The following SGMS1 variants were observed in gnomAD, a reference collection of about 807,000 sequenced individuals.
The protein encoded by SGMS1 is phosphatidylcholine:ceramide cholinephosphotransferase 1.
In SGMS1, 13 loss-of-function variants were observed where a neutral mutation model predicts 46.2. The ratio of observed to expected loss-of-function variants is 0.28; its 90% CI spans 0.18 to 0.45. SGMS1 has a LOEUF of 0.45. Ranked by LOEUF, SGMS1 falls within the 20% of genes least tolerant of loss-of-function variation. The pLI is 1.00. For synonymous variants in SGMS1, 203 were observed against 187.8 expected, an observed-to-expected ratio of 1.08 and a Z score of -0.66; for missense variants, 324 against 519.9, an observed-to-expected ratio of 0.62 and a Z score of 3.66.
At chr10:50,408,771 G>A (rs1849058395) in intron 6 of SGMS1, among the ~76,000 whole-genome samples, 2 of 152,096 alleles carry the variant, frequency 1.3e-5, no homozygotes, top group African/African-American at 2.4e-5. Flanking sequence ...GGTCGGGGGG[G>A]CAGTTGAGGC....
intron 3 of SGMS1, among the ~76,000 whole-genome samples, chr10:50,472,592 T>A (rs1400947455): frequency 6.6e-6 from 1 of 152,168 alleles, no homozygotes; most frequent in Non-Finnish European, 1.5e-5. Context: ...GACTCCTAGG[T>A]TGTTTCCATA....
At chr10:50,403,288 G>A (rs1468247254) in intron 6 of SGMS1, among the ~76,000 whole-genome samples, 1 of 152,082 alleles carries the variant, frequency 6.6e-6, no homozygotes, top group East Asian at 1.9e-4. Flanking sequence ...TACACGGTTC[G>A]CATGTTCAAT....
chr10:50,497,143 G>C (rs1410653938), intron 3 of SGMS1, among the ~76,000 whole-genome samples: 2 of 152,166 alleles, frequency 1.3e-5, no homozygotes, highest in Non-Finnish European at 2.9e-5. Context: ...AACGATTAAC[G>C]ATGAGAACTC....
chr10:50,412,384 T>C (rs183487895), intron 6 of SGMS1, among the ~76,000 whole-genome samples: 141 of 152,326 alleles, frequency 9.3e-4, no homozygotes, highest in African/African-American at 2.9e-3. Flanking sequence ...TGCAAAACAG[T>C]CTGCCTTTAT....
At chr10:50,444,057 A>G (rs1344926941) in intron 5 of SGMS1, among the ~76,000 whole-genome samples, 2 of 152,148 alleles carry the variant, frequency 1.3e-5, no homozygotes, top group Non-Finnish European at 2.9e-5. Flanking sequence ...ATAAACAGAG[A>G]CACAGAATTT....
Position 50,332,450 on chromosome 10 carries a change from C to T in SGMS1, c.624-5128G>A, listed in dbSNP as rs1338992392. ...ACAGCCCTCCTGACAACATTCTGCACCCCCACATTCCCATATTCTGTGGAA... is the reference window on the plus strand; with the variant it reads ...ACAGCCCTCCTGACAACATTCTGCATCCCCACATTCCCATATTCTGTGGAA... On this transcript the variant is annotated intron_variant, in intron 7 of 10. Transcript: ENST00000361781. Among the ~76,000 whole-genome samples, 5 of 152,012 alleles carry T rather than the reference C, an allele frequency of 3.3e-5. No homozygotes were observed. The East Asian group carries it at 9.6e-4, about 29-fold the overall frequency.
At chr10:50,565,091 C>T (rs1475313846) in intron 2 of SGMS1, among the ~76,000 whole-genome samples, 2 of 152,044 alleles carry the variant, frequency 1.3e-5, no homozygotes, top group African/African-American at 4.8e-5. Context: ...TTTTTTTATC[C>T]TCCAAACGCT....
intron 6 of SGMS1, among the ~76,000 whole-genome samples, chr10:50,423,896 C>T (rs1351793676): frequency 1.3e-5 from 2 of 152,198 alleles, no homozygotes; most frequent in Non-Finnish European, 2.9e-5. Context: ...AAAACATGCT[C>T]AATTTAATCC....
chr10:50,561,979 T>C (rs16914000), intron 2 of SGMS1, among the ~76,000 whole-genome samples: 3,119 of 152,254 alleles, frequency 0.02, 115 homozygotes, highest in African/African-American at 0.071. Context: ...TATCTTCATC[T>C]GGGTTCAGAA....
intron 6 of SGMS1, among the ~76,000 whole-genome samples, chr10:50,394,288 T>C (rs1417566079): frequency 6.6e-6 from 1 of 152,242 alleles, no homozygotes; most frequent in Admixed American, 6.5e-5. Context: ...TTAGCGTTTG[T>C]GTCGTGTTTC....
At chr10:50,374,053 C>T (rs1295380004) in intron 6 of SGMS1, among the ~76,000 whole-genome samples, 1 of 152,202 alleles carries the variant, frequency 6.6e-6, no homozygotes, top group East Asian at 1.9e-4. Flanking sequence ...TGAAATTTAT[C>T]TTCTATTTAT....
At chr10:50,613,292 G>A (rs1278844864) in intron 1 of SGMS1, among the ~76,000 whole-genome samples, 2 of 152,188 alleles carry the variant, frequency 1.3e-5, no homozygotes, top group African/African-American at 4.8e-5. Flanking sequence ...GGGAGGCTAG[G>A]TGTGCAGCTT....
chr10:50,588,857 G>A (rs1452846266), intron 2 of SGMS1, among the ~76,000 whole-genome samples: 2 of 151,066 alleles, frequency 1.3e-5, no homozygotes, highest in African/African-American at 2.4e-5. Context: ...AGCCTCCCGA[G>A]TAGCTGGGAT....
chr10:50,365,578 C>G (rs1176158803), intron 6 of SGMS1, among the ~76,000 whole-genome samples: 1 of 152,236 alleles, frequency 6.6e-6, no homozygotes, highest in Non-Finnish European at 1.5e-5. Flanking sequence ...TGCTCTCTCT[C>G]CTCTTGCCCC....
chr10:50,568,568 T>C (rs1266689527), intron 2 of SGMS1, among the ~76,000 whole-genome samples: 1 of 152,168 alleles, frequency 6.6e-6, no homozygotes, highest in Non-Finnish European at 1.5e-5. Context: ...AAGGCGGTGC[T>C]GTGGCTTGTG....
At chr10:50,587,681 C>T (rs990296320) in intron 2 of SGMS1, among the ~76,000 whole-genome samples, 23 of 59,260 alleles carry the variant, frequency 3.9e-4, no homozygotes, top group African/African-American at 1.2e-3. Flanking sequence ...GTGTGTGTGT[C>T]GTTATGTAGT....
At chr10:50,472,428 A>G (rs1475388470) in intron 3 of SGMS1, among the ~76,000 whole-genome samples, 3 of 152,146 alleles carry the variant, frequency 2.0e-5, no homozygotes, top group African/African-American at 7.2e-5. Flanking sequence ...ATCTACATAT[A>G]TGTGAGATCA....
chr10:50,432,724 C>T (rs1434523125), intron 6 of SGMS1, among the ~76,000 whole-genome samples: 1 of 152,154 alleles, frequency 6.6e-6, no homozygotes, highest in Non-Finnish European at 1.5e-5. Context: ...CCAGTCATAG[C>T]ACAAAGTACT....
intron 3 of SGMS1, among the ~76,000 whole-genome samples, chr10:50,468,593 C>G (rs998489446): frequency 2.6e-5 from 4 of 152,198 alleles, no homozygotes; most frequent in Admixed American, 2.6e-4. Context: ...CTCAGAAGAA[C>G]AGTGTCCCTC....
Sources: gnomAD v4.1 joint callset for allele counts (sites outside exome capture counted in the v4.1 genomes callset) on GRCh38, gnomAD v4.1.1 for gene constraint, MANE v1.5 for transcripts, NCBI Gene and HGNC (gene_info 2026-07-23, HGNC 2026-07-21) for gene names.